IQUB: variants seen among roughly 807,000 people sequenced by gnomAD.
IQUB encodes the protein IQ motif and ubiquitin domain containing, also known as IQ motif and ubiquitin-like domain-containing protein.
Under a neutral mutation model 86.4 loss-of-function variants are expected in IQUB, and 86 were observed. The observed-to-expected ratio is 1.00, with a 90% CI of 0.84 to 1.19. IQUB has a LOEUF of 1.19. Ranked by LOEUF, IQUB falls within the 50% of genes most tolerant of loss-of-function variation. The pLI, the probability that IQUB is intolerant of heterozygous loss-of-function variation, is 0.00. For synonymous variants in IQUB, 289 were observed against 304.5 expected, an observed-to-expected ratio of 0.95 and a Z score of 0.53; for missense variants, 946 against 916.9, an observed-to-expected ratio of 1.03 and a Z score of -0.41.
chr7:123,526,225 G>A (rs1797200839), intron 1 of IQUB, among the ~76,000 whole-genome samples: 1 of 152,092 alleles, frequency 6.6e-6, no homozygotes, highest in African/African-American at 2.4e-5. Context: ...AGTCCACTTG[G>A]TGCAGAGCTG....
intron 10 of IQUB, chr7:123,462,571 T>C (rs1360532020): frequency 4.9e-6 from 1 of 204,370 alleles, no homozygotes; most frequent in Admixed American, 5.2e-5. Context: ...AATATGTAAA[T>C]TTAAAAGGTA....
At chr7:123,517,560 A>G (rs1343284362) in intron 1 of IQUB, among the ~76,000 whole-genome samples, 1 of 150,756 alleles carries the variant, frequency 6.6e-6, no homozygotes, top group Non-Finnish European at 1.5e-5. Flanking sequence ...AAAAAAAAGA[A>G]AGAGACCCTA....
intron 12 of IQUB, among the ~76,000 whole-genome samples, chr7:123,454,578 CT>C (rs1024685906): frequency 2.0e-5 from 3 of 151,884 alleles, no homozygotes; most frequent in African/African-American, 7.3e-5. Flanking sequence ...ATCAAGAGAC[CT>C]TTTTTCCCAT....
Position 123,464,861 on chromosome 7 carries a change from A to C in IQUB, c.1730T>G (p.Phe577Cys). The C allele has an allele frequency of 6.3e-7, 1 of 1,596,228 alleles. No homozygotes were observed. Among genetic ancestry groups the C allele is most frequent in the South Asian group, 1.1e-5 (1 of 87,038 alleles). The change falls in exon 10 of 13, where the codon TTT (phenylalanine) becomes TGT (cysteine). Residue 577 changes from phenylalanine (F) to cysteine (C), a missense_variant. Physicochemically the swap from Phe to Cys is radical, Grantham distance 205. Transcript: ENST00000324698. ...AAGGTATTTTGCAACTTCAGGATTAAACAGAGGTGTTTTGATATAATGAAA... is the reference window on the plus strand; with the variant it reads ...AAGGTATTTTGCAACTTCAGGATTACACAGAGGTGTTTTGATATAATGAAA... Reference protein sequence around the residue: ...LFFHYIKTPLFNPEVAKYLKV... With the variant: ...LFFHYIKTPLCNPEVAKYLKV...
intron 3 of IQUB, among the ~76,000 whole-genome samples, chr7:123,504,571 G>A (rs1475693290): frequency 6.6e-6 from 1 of 152,102 alleles, no homozygotes; most frequent in Non-Finnish European, 1.5e-5. Context: ...ATCTTACATG[G>A]CCAGAGGAGG....
intron 3 of IQUB, among the ~76,000 whole-genome samples, chr7:123,506,518 G>T (rs914090706): frequency 9.2e-5 from 14 of 152,140 alleles, no homozygotes; most frequent in South Asian, 4.1e-4. Flanking sequence ...ATGGCAAAAG[G>T]TGAAGAAGGA....
At chr7:123,529,643 T>C (rs1164701776) in intron 1 of IQUB, among the ~76,000 whole-genome samples, 1 of 146,732 alleles carries the variant, frequency 6.8e-6, no homozygotes, top group Admixed American at 7.1e-5. Flanking sequence ...TCCCAGCGCT[T>C]TGGGAGTCTA....
chr7:123,504,326 TG>T (rs573812673), intron 3 of IQUB, among the ~76,000 whole-genome samples: 119 of 152,122 alleles, frequency 7.8e-4, no homozygotes, highest in Non-Finnish European at 1.5e-3. Flanking sequence ...GGCATATGCC[TG>T]TAATCCCAGC....
chr7:123,493,488 G>A (rs985643338), intron 7 of IQUB, among the ~76,000 whole-genome samples: 1 of 151,920 alleles, frequency 6.6e-6, no homozygotes, highest in Non-Finnish European at 1.5e-5. Context: ...TCACCTATTG[G>A]AGCCTCAGTC....
chr7:123,488,761 T>C (rs1328850254), intron 7 of IQUB, among the ~76,000 whole-genome samples: 5 of 152,162 alleles, frequency 3.3e-5, no homozygotes, highest in Non-Finnish European at 7.4e-5. Context: ...AGAAAAATAT[T>C]ACAGCTCATA....
chr7:123,519,640 C>G (rs1796812353), intron 1 of IQUB, among the ~76,000 whole-genome samples: 1 of 152,028 alleles, frequency 6.6e-6, no homozygotes, highest in Admixed American at 6.6e-5. Flanking sequence ...TTACCAGAAG[C>G]TGAGAAGGGC....
At chr7:123,522,119 G>A (rs1389715814) in intron 1 of IQUB, among the ~76,000 whole-genome samples, 1 of 151,916 alleles carries the variant, frequency 6.6e-6, no homozygotes, top group Non-Finnish European at 1.5e-5. Flanking sequence ...ATTTCTCAGG[G>A]TTCTGTTTGC....
At chr7:123,477,155 A>G (rs1458070352) in intron 8 of IQUB, among the ~76,000 whole-genome samples, 3 of 152,204 alleles carry the variant, frequency 2.0e-5, no homozygotes, top group African/African-American at 7.2e-5. Flanking sequence ...AAGAGAACAA[A>G]GCTGGAGGCA....
intron 7 of IQUB, among the ~76,000 whole-genome samples, chr7:123,486,678 G>C (rs888255676): frequency 6.6e-5 from 10 of 152,114 alleles, no homozygotes; most frequent in African/African-American, 2.4e-4. Context: ...TGAGTACTTA[G>C]GAAATATGAG....
At position 123,475,235 on chromosome 7, in the gene IQUB, G is replaced by A. The variant is rs114773240; in HGVS notation, c.1410+4560C>T. Among the ~76,000 whole-genome samples the A allele has an allele frequency of 3.7e-3, 570 of 152,034 alleles. 5 individuals carry two copies. The highest frequency in any genetic ancestry group is 0.013 in the African/African-American group (544 of 41,448). On this transcript the variant is annotated intron_variant, in intron 8 of 12. Coordinates refer to ENST00000324698, the MANE Select transcript of IQUB (RefSeq NM_178827.5). ...TTCCTGGAACAGAACAATTCTTTCT[G>A]TACTCAGGATCCTTCAGAGTCTCAA...
chr7:123,528,261 G>C (rs1047413318), intron 1 of IQUB, among the ~76,000 whole-genome samples: 3 of 152,220 alleles, frequency 2.0e-5, no homozygotes, highest in Non-Finnish European at 4.4e-5. Flanking sequence ...TGGAAATGCA[G>C]AAATCACCCG....
chr7:123,499,823 T>C (rs1304118227), intron 6 of IQUB, among the ~76,000 whole-genome samples: 2 of 152,204 alleles, frequency 1.3e-5, no homozygotes, highest in African/African-American at 4.8e-5. Context: ...TGAAACTTAC[T>C]GGGCTGCATT....
chr7:123,480,058 T>C (rs1794935706), intron 7 of IQUB, 88 bp from the exon 8 acceptor site: 2 of 1,007,140 alleles, frequency 2.0e-6, no homozygotes, highest in African/African-American at 1.6e-5. Context: ...TATTTTTACA[T>C]CAATTTAAAC....
chr7:123,496,545 A>G, intron 7 of IQUB, 151 bp downstream of exon 7: 1 of 535,798 alleles, frequency 1.9e-6, no homozygotes, highest in Non-Finnish European at 3.3e-6. Flanking sequence ...TTCCAAATAT[A>G]AAGTGGTATT....
Sources: gnomAD v4.1 joint callset for allele counts (sites outside exome capture counted in the v4.1 genomes callset) on GRCh38, gnomAD v4.1.1 for gene constraint, MANE v1.5 for transcripts, NCBI Gene and HGNC (gene_info 2026-07-23, HGNC 2026-07-21) for gene names.